PROX1: variants seen among roughly 807,000 people sequenced by gnomAD.
PROX1 encodes the protein prospero homeobox 1.
A neutral mutation model predicts 58.8 loss-of-function variants in PROX1; 7 were observed. That is an observed-to-expected ratio of 0.12 (90% CI 0.07 to 0.22). PROX1 has a LOEUF of 0.22. Among genes scored for constraint, PROX1 ranks in the 10% least tolerant of loss-of-function variants. The pLI is 1.00. For synonymous variants in PROX1, 350 were observed against 358.3 expected, an observed-to-expected ratio of 0.98 and a Z score of 0.26; for missense variants, 675 against 927.8, an observed-to-expected ratio of 0.73 and a Z score of 3.54.
At chr1:214,033,001 C>T (rs1664710957) in intron 4 of PROX1, among the ~76,000 whole-genome samples, 1 of 152,168 alleles carries the variant, frequency 6.6e-6, no homozygotes, top group Non-Finnish European at 1.5e-5. Flanking sequence ...CCTACAACTA[C>T]ACTTCCCTCC....
At position 213,997,131 on chromosome 1, in the gene PROX1, G is replaced by T; in HGVS notation, c.596G>T (p.Ser199Ile). Reference protein sequence around the residue: ...NEREMAPQSVSPRESYRENKR... With the variant: ...NEREMAPQSVIPRESYRENKR... ...AGAGAGATGGCCCCGCAGTCTGTGA[G>T]TCCCCGAGAAAGTTACAGAGAAAAC... Residue 199 changes from serine to isoleucine, a missense_variant, in exon 2 of 5, where the codon AGT becomes ATT. Ser to Ile is a moderately radical substitution (Grantham distance 142, BLOSUM62 -2). Coordinates refer to ENST00000366958, the MANE Select transcript of PROX1 (RefSeq NM_001270616.2). The surrounding 1 kb of genome is among the most constrained non-coding windows in gnomAD (Gnocchi z 7.1). 6.2e-7 allele frequency: 1 copy of T among 1,613,588 alleles called. No individual in the cohort carries two copies.
chr1:214,008,759 T>C (rs1663807872), intron 3 of PROX1, among the ~76,000 whole-genome samples: 1 of 152,156 alleles, frequency 6.6e-6, no homozygotes, highest in South Asian at 2.1e-4. Flanking sequence ...GGGTGATGTA[T>C]ATGAAGGATG....
At chr1:214,029,570 A>G (rs1285971431) in intron 4 of PROX1, 1 of 152,236 alleles carries the variant, frequency 6.6e-6, no homozygotes, top group African/African-American at 2.4e-5. Flanking sequence ...TATATTTTTA[A>G]AGGCCCACAG....
At chr1:213,999,676 A>G (rs1210790735) in intron 2 of PROX1, among the ~76,000 whole-genome samples, 1 of 152,128 alleles carries the variant, frequency 6.6e-6, no homozygotes, top group East Asian at 1.9e-4. Flanking sequence ...GATGTGGGAG[A>G]TTTCTACATA....
In PROX1 at chr1:213,996,923, A is replaced by T; in HGVS notation, c.388A>T (p.Ser130Cys). 1 of 1,614,118 alleles carries T rather than the reference A, an allele frequency of 6.2e-7. No individual in the cohort carries two copies. The change falls in exon 2 of 5, where the codon AGC becomes TGC. Residue 130 changes from serine to cysteine, a missense_variant. By Grantham distance (112) the Ser-to-Cys change is moderately radical. This residue lies in a region of PROX1 where 157 missense variants were observed against 197.8 expected (regional missense o/e 0.79). Transcript: ENST00000366958. ...GSEVHQEDIC[S>C]NSSRDSPPEC... ...CGAAGTACATCAGGAGGATATATGC[A>T]GCAACTCTTCAAGAGACAGCCCCCC...
At chr1:214,027,983 A>G (rs895356709) in intron 4 of PROX1, among the ~76,000 whole-genome samples, 3 of 151,632 alleles carry the variant, frequency 2.0e-5, no homozygotes, top group Middle Eastern at 3.4e-3. Context: ...GCCACTTCCT[A>G]CAAGCATTTA....
chr1:214,032,536 G>A (rs1664694140), intron 4 of PROX1, among the ~76,000 whole-genome samples: 1 of 152,000 alleles, frequency 6.6e-6, no homozygotes, highest in Non-Finnish European at 1.5e-5. Flanking sequence ...TGGGACCACA[G>A]GCATGTGCCA....
rs1664809148 is a variant in PROX1, at chr1:214,035,802, C to T, written c.2182C>T (p.Pro728Ser). 1 of 1,613,638 alleles carries T rather than the reference C, an allele frequency of 6.2e-7. No individual in the cohort carries two copies. The highest frequency in any genetic ancestry group is 8.5e-7 in the Non-Finnish European group (1 of 1,179,740). ...TGAAGTCCCTGAGATTTTCAAATCC[C>T]CGAACTGCCTACAAGAGCTGCTTCA... is the stretch of plus-strand genomic sequence containing the variant. Reference protein sequence around the residue: ...DSEVPEIFKSPNCLQELLHE With the variant: ...DSEVPEIFKSSNCLQELLHE Residue 728 changes from proline to serine, a missense_variant, in exon 5 of 5, where the codon CCG (proline) becomes TCG (serine). By Grantham distance (74) the Pro-to-Ser change is moderately conservative. This residue lies in a region of PROX1 where 16 missense variants were observed against 21.0 expected (regional missense o/e 0.76). Coordinates refer to ENST00000366958, the MANE Select transcript of PROX1 (RefSeq NM_001270616.2).
chr1:213,995,734 G>T (rs557216935), intron 1 of PROX1, among the ~76,000 whole-genome samples: 3 of 151,976 alleles, frequency 2.0e-5, no homozygotes, highest in Non-Finnish European at 4.4e-5. Context: ...TATTCTTATA[G>T]TTACATTAAG....
chr1:214,033,139 C>A (rs370896834), intron 4 of PROX1, among the ~76,000 whole-genome samples: 1 of 152,168 alleles, frequency 6.6e-6, no homozygotes, highest in Non-Finnish European at 1.5e-5. Flanking sequence ...GCAGGGCTTC[C>A]GGCCTTCTCT....
chr1:214,000,418 T>A (rs554488714), intron 2 of PROX1, among the ~76,000 whole-genome samples: 3 of 152,234 alleles, frequency 2.0e-5, no homozygotes, highest in Non-Finnish European at 4.4e-5. Context: ...TATAGTTGCT[T>A]CTTCTTCAGA....
In PROX1 at chr1:214,009,748, A is replaced by AT. The variant is rs1317076810; in HGVS notation, c.1834-1766dup. Among the ~76,000 whole-genome samples, 123 of 151,896 alleles carry AT rather than the reference A, an allele frequency of 8.1e-4. 1 individual carries two copies. Among genetic ancestry groups the AT allele is most frequent in the African/African-American group, 2.8e-3 (117 of 41,410 alleles). On this transcript the variant is annotated intron_variant, in intron 3 of 4. Transcript: ENST00000366958. ...CATTCTAGAAAAAAAATACCCTTCT[A>AT]TTTTTTTCCTCTACAGTACTCTTGT...
At position 214,036,098 on chromosome 1, in the gene PROX1, C is replaced by A. The variant is rs550997723; in HGVS notation, c.*264C>A. ...GGACACTTAAAATAGGGTTAATTTT[C>A]AGGGAAAAAGAATGTTGGCGTGTGT... On this transcript the variant is annotated 3_prime_UTR_variant, in exon 5 of 5. Transcript: ENST00000366958. The A allele has an allele frequency of 3.0e-5, 8 of 269,722 alleles. No individual in the cohort carries two copies. In the Admixed American group the frequency reaches 3.6e-4, roughly 12 times the overall value. 16.7% of individuals were successfully genotyped at this position (269,722 alleles called of 1,614,324 possible).
Position 214,011,722 on chromosome 1 carries a change from A to G in PROX1, c.2028+7A>G. The G allele has an allele frequency of 3.2e-6, 5 of 1,543,188 alleles. No homozygotes were observed. Among genetic ancestry groups the G allele is most frequent in the Non-Finnish European group, 4.4e-6 (5 of 1,143,352 alleles). ...TAAAGCAAATGACTTTGAGGTAGGAACTAATCTTTATTTTTTGGTCATCTC... is the reference window on the plus strand; with the variant it reads ...TAAAGCAAATGACTTTGAGGTAGGAGCTAATCTTTATTTTTTGGTCATCTC... On this transcript the variant is annotated splice_region_variant and intron_variant, in intron 4 of 4. Coordinates refer to ENST00000366958, the MANE Select transcript of PROX1 (RefSeq NM_001270616.2).
At chr1:214,001,723 A>G (rs1182644261) in intron 2 of PROX1, among the ~76,000 whole-genome samples, 1 of 152,226 alleles carries the variant, frequency 6.6e-6, no homozygotes, top group Non-Finnish European at 1.5e-5. Flanking sequence ...ATCCACAGAA[A>G]TTGATCTTAT....
At chr1:214,019,186 C>A (rs546701888) in intron 4 of PROX1, among the ~76,000 whole-genome samples, 2 of 152,260 alleles carry the variant, frequency 1.3e-5, no homozygotes, top group African/African-American at 2.4e-5. Flanking sequence ...CGTGCCTTAA[C>A]GTTGCTTTTG....
chr1:214,039,043 T>C lies in PROX1; in HGVS notation c.*3209T>C, dbSNP rs1248426566. The C allele has an allele frequency of 6.6e-6, 1 of 152,232 alleles. No homozygotes were observed. The highest frequency in any genetic ancestry group is 1.5e-5 in the Non-Finnish European group (1 of 68,034). The allele number at this position is 152,232 out of a possible 1,614,324, so 9.4% of individuals were successfully genotyped here. A position where few individuals can be genotyped will look rare whatever the true frequency, so the allele number is the denominator to read the frequency against. ...GCAATATTTCATACCATGTGCTATATATGTGTGCGCAGATGTGTGAACATA... is the reference window on the plus strand; with the variant it reads ...GCAATATTTCATACCATGTGCTATACATGTGTGCGCAGATGTGTGAACATA... On this transcript the variant is annotated 3_prime_UTR_variant, in exon 5 of 5. Transcript: ENST00000366958.
At chr1:213,987,787 T>G (rs1376091566), upstream of PROX1, 5 of 138,416 alleles carry the variant, frequency 3.6e-5, no homozygotes, top group African/African-American at 1.3e-4. Flanking sequence ...TCCCAGCCCC[T>G]CACCCCCACC....
chr1:214,034,689 C>T (rs995731639), intron 4 of PROX1, among the ~76,000 whole-genome samples: 4 of 152,104 alleles, frequency 2.6e-5, no homozygotes, highest in Admixed American at 6.5e-5. Flanking sequence ...CACACACACA[C>T]ACAACACACA....
Sources: gnomAD v4.1 joint callset for allele counts (sites outside exome capture counted in the v4.1 genomes callset) on GRCh38, gnomAD v4.1.1 for gene constraint, gnomAD v4.1.1 regional missense constraint, Gnocchi (gnomAD v3.1) non-coding constraint, MANE v1.5 for transcripts, NCBI Gene and HGNC (gene_info 2026-07-23, HGNC 2026-07-21) for gene names.